Variants in ZC3H12D observed in about 807,000 individuals in gnomAD.
ZC3H12D encodes probable ribonuclease ZC3H12D.
ZC3H12D carries 11 observed loss-of-function variants against 24.2 expected under a neutral mutation model. That is an observed-to-expected ratio of 0.46 (90% confidence interval 0.29 to 0.75). The LOEUF is 0.75. ZC3H12D is among the 30% of genes least tolerant of loss of function. The probability of loss-of-function intolerance (pLI) is 0.11; values close to 1 mark genes in which losing one functional copy is unlikely to be tolerated. For missense variants in ZC3H12D, 740 were observed against 767.7 expected (o/e 0.96, Z 0.43); for synonymous variants, 333 against 341.8 (o/e 0.97, Z 0.28).
chr6:149,448,529 G>A lies in ZC3H12D; in HGVS notation c.*2154C>T, dbSNP rs1338289224. Reference sequence around the variant, plus strand: ...CTGCACTCCAGCCTGGGTGACAGATGACAGAGCGGAACCCTGCCCCCTCCT... The same window carrying A: ...CTGCACTCCAGCCTGGGTGACAGATAACAGAGCGGAACCCTGCCCCCTCCT... On this transcript the variant is annotated 3_prime_UTR_variant, in exon 6 of 6. Transcript: ENST00000409806. The A allele has an allele frequency of 2.6e-5, 4 of 152,058 alleles. No individual in the cohort carries two copies. Among genetic ancestry groups the A allele is most frequent in the Non-Finnish European group, 4.4e-5 (3 of 68,024 alleles). 9.4% of individuals were successfully genotyped at this position (152,058 alleles called of 1,614,324 possible). A position where few individuals can be genotyped will look rare whatever the true frequency, so the allele number is the denominator to read the frequency against.
chr6:149,471,228 G>T (rs1776239584), intron 2 of ZC3H12D, among the ~76,000 whole-genome samples: 1 of 152,220 alleles, frequency 6.6e-6, no homozygotes, highest in Non-Finnish European at 1.5e-5. Flanking sequence ...ACGACCAATG[G>T]CATTGGGCTA....
chr6:149,459,549 T>C (rs1389516351), intron 3 of ZC3H12D: 4 of 716,808 alleles, frequency 5.6e-6, no homozygotes, highest in African/African-American at 5.2e-5. Context: ...CCCTGCAGTC[T>C]TGGAGCACTT....
chr6:149,454,359 GAGA>G (rs1456664385), intron 4 of ZC3H12D, among the ~76,000 whole-genome samples: 1 of 152,206 alleles, frequency 6.6e-6, no homozygotes, highest in Non-Finnish European at 1.5e-5. Flanking sequence ...GTAAATCAAG[GAGA>G]AGATGTTTTA....
intron 2 of ZC3H12D, among the ~76,000 whole-genome samples, chr6:149,463,885 T>C (rs980765438): frequency 6.6e-6 from 1 of 152,194 alleles, no homozygotes; most frequent in Non-Finnish European, 1.5e-5. Flanking sequence ...TGGCAGGCTA[T>C]TCACTGACAC....
chr6:149,480,408 T>C (rs1036011905), intron 1 of ZC3H12D, among the ~76,000 whole-genome samples: 1 of 152,240 alleles, frequency 6.6e-6, no homozygotes, highest in African/African-American at 2.4e-5. Flanking sequence ...AAATAGCACA[T>C]GTTCTCACTT....
intron 3 of ZC3H12D, chr6:149,459,633 G>A: frequency 1.4e-6 from 1 of 718,014 alleles, no homozygotes; most frequent in Non-Finnish European, 2.6e-6. Flanking sequence ...CTCCCTGGCA[G>A]CTGCTCCCAG....
rs1287979170 is a variant in ZC3H12D at position 149,450,637 on chromosome 6, ACGCAAGG to A, written c.*39_*45del. 2 of 1,460,426 alleles carry A rather than the reference ACGCAAGG, an allele frequency of 1.4e-6. No homozygotes were observed. The highest frequency in any genetic ancestry group is 4.4e-5 in the Admixed American group (2 of 45,356). 90.5% of individuals were successfully genotyped at this position (1,460,426 alleles called of 1,614,324 possible). Reference sequence around the variant, plus strand: ...GCAACCACAGGTCCACCCGTCCAAGACGCAAGGCGAGGCTGGGCCATTCCCTGCAAGT... The same window carrying A: ...GCAACCACAGGTCCACCCGTCCAAGACGAGGCTGGGCCATTCCCTGCAAGT... On this transcript the variant is annotated 3_prime_UTR_variant, in exon 6 of 6. Transcript: ENST00000409806.
chr6:149,455,796 G>T (rs1775969518), intron 4 of ZC3H12D, among the ~76,000 whole-genome samples: 2 of 152,020 alleles, frequency 1.3e-5, no homozygotes, highest in South Asian at 2.1e-4. Flanking sequence ...CAACACTTTG[G>T]GAGGCTGAGG....
rs1222875038 is a variant in ZC3H12D at position 149,448,418 on chromosome 6, C to T, written c.*2265G>A. ...AAATTAGCTGGACGTGGTGGCACAACTGTAGTCCCAGCTACTCAGGAGGCT... is the reference window on the plus strand; with the variant it reads ...AAATTAGCTGGACGTGGTGGCACAATTGTAGTCCCAGCTACTCAGGAGGCT... On this transcript the variant is annotated 3_prime_UTR_variant, in exon 6 of 6. Coordinates refer to ENST00000409806, the MANE Select transcript of ZC3H12D (RefSeq NM_207360.3). The T allele has an allele frequency of 1.3e-5, 2 of 152,078 alleles. No homozygotes were observed. Among genetic ancestry groups the T allele is most frequent in the African/African-American group, 2.4e-5 (1 of 41,396 alleles). The allele number at this position is 152,078 out of a possible 1,614,324, so 9.4% of individuals were successfully genotyped here.
At chr6:149,455,898 T>C (rs994704028) in intron 4 of ZC3H12D, among the ~76,000 whole-genome samples, 1 of 145,854 alleles carries the variant, frequency 6.9e-6, no homozygotes, top group Non-Finnish European at 1.5e-5. Context: ...CAAGACCCTG[T>C]CAAAGAAAAA....
Position 149,471,131 on chromosome 6 carries a change from G to T in ZC3H12D, c.305+3108C>A, listed in dbSNP as rs543967341. Among the ~76,000 whole-genome samples, 57 of 152,364 alleles carry T rather than the reference G, an allele frequency of 3.7e-4. 1 individual carries two copies. Among genetic ancestry groups the T allele is most frequent in the African/African-American group, 1.2e-3 (51 of 41,578 alleles). ...GATGCCAGTAGTCCTGCTTAGGAGAGCCCATTTCTGTAAAAAGCACTGGGC... is the reference window on the plus strand; with the variant it reads ...GATGCCAGTAGTCCTGCTTAGGAGATCCCATTTCTGTAAAAAGCACTGGGC... On this transcript the variant is annotated intron_variant, in intron 2 of 5. Coordinates refer to ENST00000409806, the MANE Select transcript of ZC3H12D (RefSeq NM_207360.3).
At chr6:149,454,641 G>A (rs1048359664) in intron 4 of ZC3H12D, among the ~76,000 whole-genome samples, 2 of 152,254 alleles carry the variant, frequency 1.3e-5, no homozygotes, top group African/African-American at 2.4e-5. Flanking sequence ...AGGCGCCCTC[G>A]CTCACAAGCG....
chr6:149,473,227 G>C (rs1353957629), intron 2 of ZC3H12D, among the ~76,000 whole-genome samples: 7 of 152,058 alleles, frequency 4.6e-5, no homozygotes, highest in Admixed American at 4.6e-4. Context: ...GCAAACCTCG[G>C]TCCTGCAACA....
intron 3 of ZC3H12D, chr6:149,459,413 C>A: frequency 1.7e-6 from 1 of 580,544 alleles, no homozygotes; most frequent in Non-Finnish European, 3.1e-6. Context: ...GGGACAGCAG[C>A]AAACCCAGGA....
At position 149,461,895 on chromosome 6, in the gene ZC3H12D, G is replaced by C. The variant is rs1776079219; in HGVS notation, c.381C>G (p.Thr127=). ...AGGATGGAACAAAAACTTTGATGTA[G>C]GTGTGTCCTCTGTCCCTGAACCAGT... The part of the protein sequence containing the change: ...AVDWFRDRGH[T]YIKVFVPSWR... The change falls in exon 3 of 6, where the codon ACC becomes ACG. Residue 127 remains threonine (T), a synonymous_variant. Coordinates refer to ENST00000409806, the MANE Select transcript of ZC3H12D (RefSeq NM_207360.3). 3.7e-6 allele frequency: 6 copies of C among 1,605,750 alleles called. No individual in the cohort carries two copies. The South Asian group carries it at 6.8e-5, about 18-fold the overall frequency.
chr6:149,466,906 TA>T (rs1776173058), intron 2 of ZC3H12D, among the ~76,000 whole-genome samples: 1 of 150,306 alleles, frequency 6.7e-6, no homozygotes, highest in African/African-American at 2.4e-5. Context: ...TAAAATAAAA[TA>T]AAATAAAATA....
chr6:149,473,500 A>G (rs1414733752), intron 2 of ZC3H12D, among the ~76,000 whole-genome samples: 3 of 152,090 alleles, frequency 2.0e-5, no homozygotes, highest in Non-Finnish European at 4.4e-5. Context: ...GTGTTGGGGG[A>G]GGCTGCAGAG....
intron 2 of ZC3H12D, among the ~76,000 whole-genome samples, chr6:149,472,034 G>A (rs1160224868): frequency 6.6e-6 from 1 of 152,234 alleles, no homozygotes; most frequent in East Asian, 1.9e-4. Context: ...AGATAACAAT[G>A]AGACACCACT....
chr6:149,468,670 C>T (rs1438121648), intron 2 of ZC3H12D, among the ~76,000 whole-genome samples: 5 of 152,112 alleles, frequency 3.3e-5, no homozygotes, highest in Non-Finnish European at 5.9e-5. Flanking sequence ...GGAAAGAGAC[C>T]GTGAGCAGGG....
Sources: gnomAD v4.1 joint callset for allele counts (sites outside exome capture counted in the v4.1 genomes callset) on GRCh38, gnomAD v4.1.1 for gene constraint, MANE v1.5 for transcripts, NCBI Gene and HGNC (gene_info 2026-07-23, HGNC 2026-07-21) for gene names.